SBF1: variants seen among roughly 807,000 people sequenced by gnomAD.
The protein encoded by SBF1 is myotubularin-related protein 5.
SBF1 carries 65 observed loss-of-function variants against 215.8 expected under a neutral mutation model. The ratio of observed to expected loss-of-function variants is 0.30; its 90% confidence interval spans 0.25 to 0.37. SBF1 has a LOEUF of 0.37. SBF1 is among the 10% of genes least tolerant of loss of function. SBF1 has a pLI of 1.00. For synonymous variants in SBF1, 1,410 were observed against 1,122.8 expected (o/e 1.26, Z -5.11); for missense variants, 2,634 against 2,667.8 (o/e 0.99, Z 0.28).
intron 1 of SBF1, among the ~76,000 whole-genome samples, chr22:50,471,754 G>T (rs971877915): frequency 6.6e-6 from 1 of 152,082 alleles, no homozygotes; most frequent in African/African-American, 2.4e-5. Context: ...GGCTCCCAGG[G>T]TGGAGGCTGG....
Position 50,473,624 on chromosome 22 carries a change from A to AG in SBF1, c.55+1161dup, listed in dbSNP as rs552851538. 2.6e-5 allele frequency among the ~76,000 whole-genome samples: 4 copies of AG among 152,246 alleles called. No individual in the cohort carries two copies. In the South Asian group the frequency reaches 8.3e-4, roughly 32 times the overall value. On this transcript the variant is annotated intron_variant, in intron 1 of 40. Coordinates refer to ENST00000380817, the MANE Select transcript of SBF1 (RefSeq NM_002972.4). Reference sequence around the variant, plus strand: ...ATGCTAAAGAGGCTTCAGGAAGTGTAGGGGGGTGTCCAGCAGAAGAAACAC... The same window carrying AG: ...ATGCTAAAGAGGCTTCAGGAAGTGTAGGGGGGGTGTCCAGCAGAAGAAACAC...
rs755081050 is a variant in SBF1 at position 50,446,877 on chromosome 22, A to T, written c.*265T>A. On this transcript the variant is annotated 3_prime_UTR_variant, in exon 41 of 41. Transcript: ENST00000380817. ...CTGCAGCCGCTGGCTGGACCAGCAC[A>T]CGCTGACGGGGCCGGACTATTTACA... The T allele has an allele frequency of 2.7e-6, 2 of 745,072 alleles. No homozygotes were observed. Among genetic ancestry groups the T allele is most frequent in the Non-Finnish European group, 4.9e-6 (2 of 406,742 alleles). 46.2% of individuals were successfully genotyped at this position (745,072 alleles called of 1,614,324 possible).
At position 50,455,290 on chromosome 22, in the gene SBF1, G is replaced by A. The variant is rs996454058; in HGVS notation, c.4488C>T (p.His1496=). 2 of 1,613,504 alleles carry A rather than the reference G, an allele frequency of 1.2e-6. No individual in the cohort carries two copies. Among genetic ancestry groups the A allele is most frequent in the Admixed American group, 1.7e-5 (1 of 60,014 alleles). Residue 1496 remains histidine, a synonymous_variant, in exon 33 of 41, where the codon CAC becomes CAT. Transcript: ENST00000380817. The part of the protein sequence containing the change: ...FGHRFSHRGA[H]TLAGQSSGFT... ...AGCCGCTGCTCTGCCCGGCCAGGGTGTGAGCTCCACGGTGGCTGAAGCGAT... is the reference window on the plus strand; with the variant it reads ...AGCCGCTGCTCTGCCCGGCCAGGGTATGAGCTCCACGGTGGCTGAAGCGAT...
chr22:50,462,322 T>C lies in SBF1; in HGVS notation c.2279A>G (p.Tyr760Cys), dbSNP rs1468813021. Residue 760 changes from tyrosine (Y) to cysteine (C), a missense_variant, in exon 19 of 41, where the codon TAT becomes TGT. Tyr to Cys is a radical substitution (Grantham distance 194, BLOSUM62 -2). Transcript: ENST00000380817. ...ESTVFSQAIH[Y>C]ANRMSYLLLP... ...GAGGAGGTAGCTCATGCGGTTGGCATAGTGGATGGCCTGGCTGAACACCGT... is the reference window on the plus strand; with the variant it reads ...GAGGAGGTAGCTCATGCGGTTGGCACAGTGGATGGCCTGGCTGAACACCGT... 9.9e-6 allele frequency: 16 copies of C among 1,613,958 alleles called. No homozygotes were observed. Among genetic ancestry groups the C allele is most frequent in the South Asian group, 5.5e-5 (5 of 91,094 alleles).
Position 50,460,708 on chromosome 22 carries a change from A to G in SBF1, c.2972T>C (p.Leu991Pro). ...LQLRSCTFQL[L>P]KMAFDEEVGS... The stretch of plus-strand genomic sequence containing the variant: ...CACCTCCTCGTCAAAGGCCATTTTC[A>G]GCAGCTGTGTCAGTAAAAGCAGCCC... Residue 991 changes from leucine to proline, a missense_variant, in exon 24 of 41, where the codon CTG (leucine) becomes CCG (proline). Coordinates refer to ENST00000380817, the MANE Select transcript of SBF1 (RefSeq NM_002972.4). The G allele has an allele frequency of 6.2e-7, 1 of 1,612,658 alleles. No individual in the cohort carries two copies. The highest frequency in any genetic ancestry group is 8.5e-7 in the Non-Finnish European group (1 of 1,179,756).
chr22:50,463,121 A>G (rs1274702317), intron 16 of SBF1, among the ~76,000 whole-genome samples, 162 bp downstream of exon 16: 1 of 151,962 alleles, frequency 6.6e-6, no homozygotes, highest in East Asian at 1.9e-4. Context: ...TGCCCCCAAC[A>G]ATGGTTCTCT....
chr22:50,474,869 C>A lies in SBF1; in HGVS notation c.-29G>T. 3 of 1,355,744 alleles carry A rather than the reference C, an allele frequency of 2.2e-6. No homozygotes were observed. The highest frequency in any genetic ancestry group is 7.5e-5 in the Admixed American group (2 of 26,780). The allele number at this position is 1,355,744 out of a possible 1,614,324, so 84.0% of individuals were successfully genotyped here. A position where few individuals can be genotyped will look rare whatever the true frequency, so the allele number is the denominator to read the frequency against. On this transcript the variant is annotated 5_prime_UTR_variant, in exon 1 of 41. Transcript: ENST00000380817. The stretch of plus-strand genomic sequence containing the variant: ...GAGGGACGCGGGGCGGCCCGAGGGG[C>A]GCGGGCGGGCTCCGCGGCTCGGGGA...
At position 50,459,341 on chromosome 22, in the gene SBF1, G is replaced by C. The variant is rs778716220; in HGVS notation, c.3740C>G (p.Ala1247Gly). ...GTAGCGGGGCATGGAGCTGACCACA[G>C]CCTGCAGGTACTTCTCCTGCTCCAG... ...SSLEQEKYLQ[A>G]VVSSMPRYAD... The change falls in exon 28 of 41, where the codon GCT becomes GGT. Residue 1247 changes from alanine (A) to glycine (G), a missense_variant. Transcript: ENST00000380817. The C allele has an allele frequency of 1.2e-6, 2 of 1,612,882 alleles. No individual in the cohort carries two copies. The highest frequency in any genetic ancestry group is 1.7e-6 in the Non-Finnish European group (2 of 1,179,662).
Position 50,473,413 on chromosome 22 carries a change from T to C in SBF1, c.55+1373A>G, listed in dbSNP as rs184090230. ...GCTCCCTCTGTGGGTCAAGACAACATTGACAGCCAACCTGCACAGTGGGGA... is the reference window on the plus strand; with the variant it reads ...GCTCCCTCTGTGGGTCAAGACAACACTGACAGCCAACCTGCACAGTGGGGA... On this transcript the variant is annotated intron_variant, in intron 1 of 40. Coordinates refer to ENST00000380817, the MANE Select transcript of SBF1 (RefSeq NM_002972.4). 7.0e-4 allele frequency among the ~76,000 whole-genome samples: 106 copies of C among 152,104 alleles called. No individual in the cohort carries two copies. The Middle Eastern group carries it at 0.02, about 29-fold the overall frequency.
Position 50,448,595 on chromosome 22 carries a change from G to T in SBF1, c.5099C>A (p.Thr1700Asn). ...LGQPAERWKD[T>N]WDRVKAAQRL... ...CTGTGCAGCCTTCACCCGGTCCCAG[G>T]TGTCCTTCCAGCGCTCAGCGGGTTG... The change falls in exon 37 of 41, where the codon ACC (threonine) becomes AAC (asparagine). Residue 1700 changes from threonine to asparagine, a missense_variant. Thr to Asn is a moderately conservative substitution (Grantham distance 65). Coordinates refer to ENST00000380817, the MANE Select transcript of SBF1 (RefSeq NM_002972.4). The T allele has an allele frequency of 2.5e-6, 4 of 1,612,186 alleles. No homozygotes were observed. Among genetic ancestry groups the T allele is most frequent in the Non-Finnish European group, 3.4e-6 (4 of 1,180,020 alleles).
chr22:50,474,994 C>A lies in SBF1; in HGVS notation c.-154G>T. ...GCGGCGGCGGCGGCGGCGGCGGCGG[C>A]CCAGGTTCCCGCCGCCATCTTCCCA... On this transcript the variant is annotated 5_prime_UTR_variant, in exon 1 of 41. Transcript: ENST00000380817. 1 of 271,226 alleles carries A rather than the reference C, an allele frequency of 3.7e-6. No individual in the cohort carries two copies. The allele number at this position is 271,226 out of a possible 1,614,324, so 16.8% of individuals were successfully genotyped here.
intron 5 of SBF1, chr22:50,467,009 G>A (rs1282339393): frequency 7.1e-6 from 4 of 566,516 alleles, no homozygotes; most frequent in African/African-American, 2.0e-5. Context: ...CAGCTGCACA[G>A]GACAGACGGG....
At chr22:50,470,384 G>A (rs553143270) in intron 1 of SBF1, among the ~76,000 whole-genome samples, 144 of 152,118 alleles carry the variant, frequency 9.5e-4, no homozygotes, top group Non-Finnish European at 1.6e-3. Context: ...TCCACCCCCC[G>A]CTAGTCTTGT....
rs779359838 is a variant in SBF1, at chr22:50,456,289, G to A, written c.4193C>T (p.Pro1398Leu). The change falls in exon 31 of 41, where the codon CCA becomes CTA. Residue 1398 changes from proline to leucine, a missense_variant. Pro to Leu is a moderately conservative substitution (Grantham distance 98). Coordinates refer to ENST00000380817, the MANE Select transcript of SBF1 (RefSeq NM_002972.4). ...SFKKLLKACV[P>L]GCPAAEPSPA... ...GCTGGGCTCAGCAGCGGGGCAGCCTGGGACACATGCTTTCAGCAGCTTCTT... is the reference window on the plus strand; with the variant it reads ...GCTGGGCTCAGCAGCGGGGCAGCCTAGGACACATGCTTTCAGCAGCTTCTT... The A allele has an allele frequency of 7.4e-6, 12 of 1,612,874 alleles. 1 individual carries two copies. Among genetic ancestry groups the A allele is most frequent in the Admixed American group, 1.7e-5 (1 of 59,998 alleles).
In SBF1 at chr22:50,463,279, T is replaced by A. The variant is rs556086217; in HGVS notation, c.1899+4A>T. 1 of 1,613,446 alleles carries A rather than the reference T, an allele frequency of 6.2e-7. No homozygotes were observed. Among genetic ancestry groups the A allele is most frequent in the Admixed American group, 1.7e-5 (1 of 59,996 alleles). ...CATGTCACTAGCAGGATAAGAGGCC[T>A]CACCTGCAGGCAGCAGTTCATCATA... On this transcript the variant is annotated splice_donor_region_variant and intron_variant, in intron 16 of 40. Transcript: ENST00000380817.
chr22:50,460,206 C>T, intron 25 of SBF1, 47 bp from the exon 26 acceptor site: 1 of 1,604,504 alleles, frequency 6.2e-7, no homozygotes, highest in East Asian at 2.2e-5. Flanking sequence ...ACTCCGCCTG[C>T]CCTGATCCTC....
At chr22:50,463,691 C>T (rs989164647) in intron 15 of SBF1, among the ~76,000 whole-genome samples, 2 of 152,244 alleles carry the variant, frequency 1.3e-5, no homozygotes, top group Non-Finnish European at 2.9e-5. Flanking sequence ...CGGAGGGAGG[C>T]CTTGCGGGCC....
Position 50,462,861 on chromosome 22 carries a change from A to C in SBF1, c.1968+9T>G, listed in dbSNP as rs754010439. ...CTGGGAAGGAGACCTCAGCCATGCC[A>C]GCACTCACCCGGCAGAAGGCTGTGA... On this transcript the variant is annotated intron_variant, in intron 17 of 40. Coordinates refer to ENST00000380817, the MANE Select transcript of SBF1 (RefSeq NM_002972.4). 5.6e-6 allele frequency: 9 copies of C among 1,612,978 alleles called. No homozygotes were observed. The Admixed American group carries it at 1.5e-4, about 27-fold the overall frequency.
In SBF1 at chr22:50,447,465, CACAG is replaced by C; in HGVS notation, c.5452-16_5452-13del. 1.7e-6 allele frequency: 1 copy of C among 581,930 alleles called. No homozygotes were observed. 36.0% of individuals were successfully genotyped at this position (581,930 alleles called of 1,614,324 possible). On this transcript the variant is annotated splice_polypyrimidine_tract_variant and intron_variant, in intron 39 of 40. Coordinates refer to ENST00000380817, the MANE Select transcript of SBF1 (RefSeq NM_002972.4). Reference sequence around the variant, plus strand: ...TCGTAGTAGCGCAGCTGGAGGAGGCCACAGAGTCAGCGGAGCCCCCTCCCCCGTG... The same window carrying C: ...TCGTAGTAGCGCAGCTGGAGGAGGCCAGTCAGCGGAGCCCCCTCCCCCGTG...
Sources: gnomAD v4.1 joint callset for allele counts (sites outside exome capture counted in the v4.1 genomes callset) on GRCh38, gnomAD v4.1.1 for gene constraint, MANE v1.5 for transcripts, NCBI Gene and HGNC (gene_info 2026-07-23, HGNC 2026-07-21) for gene names.